The following TBL1XR1 variants were observed in gnomAD, a reference collection of about 807,000 sequenced individuals.
The protein encoded by TBL1XR1 is TBL1X/Y related 1.
A neutral mutation model predicts 66.9 loss-of-function variants in TBL1XR1; 5 were observed. The observed-to-expected ratio is 0.07, with a 90% CI of 0.04 to 0.16. TBL1XR1 has a LOEUF of 0.16. Ranked by LOEUF, TBL1XR1 falls within the 10% of genes least tolerant of loss-of-function variation. The pLI, the probability that TBL1XR1 is intolerant of heterozygous loss-of-function variation, is 1.00. For synonymous variants in TBL1XR1, 210 were observed against 206.0 expected (o/e 1.02, Z -0.17); for missense variants, 238 against 623.2 (o/e 0.38, Z 6.58).
At position 177,019,592 on chromosome 3, in the gene TBL1XR1, T is replaced by C. The variant is rs1167743210; in HGVS notation, c.*5906A>G. On this transcript the variant is annotated 3_prime_UTR_variant, in exon 16 of 16. Transcript: ENST00000457928. The stretch of plus-strand genomic sequence containing the variant: ...CCATCTAAAGTGTCTTTTCCTCCAC[T>C]GTATTTTTTCAAATGAATATATTGG... 2 of 152,224 alleles carry C rather than the reference T, an allele frequency of 1.3e-5. No individual in the cohort carries two copies. Among genetic ancestry groups the C allele is most frequent in the Non-Finnish European group, 2.9e-5 (2 of 68,028 alleles). 9.4% of individuals were successfully genotyped at this position (152,224 alleles called of 1,614,324 possible).
intron 1 of TBL1XR1, among the ~76,000 whole-genome samples, chr3:177,173,367 T>C (rs1733791361): frequency 6.6e-6 from 1 of 152,206 alleles, no homozygotes; most frequent in Admixed American, 6.5e-5. Flanking sequence ...CGAAAAACAG[T>C]AATTTCAGAG....
chr3:177,197,641 G>GGCGGGCGC (rs952663794), upstream of TBL1XR1, among the ~76,000 whole-genome samples: 3 of 140,110 alleles, frequency 2.1e-5, no homozygotes, highest in African/African-American at 5.1e-5. Context: ...CGAGCGGGCG[G>GGCGGGCGC]GCGGGCGCGC....
chr3:177,119,427 A>T (rs1443936593), intron 1 of TBL1XR1, among the ~76,000 whole-genome samples: 2 of 152,138 alleles, frequency 1.3e-5, no homozygotes, highest in East Asian at 3.8e-4. Flanking sequence ...GGATTCCTAT[A>T]TAATTAGGGC....
chr3:177,070,773 G>C (rs1207647972), intron 2 of TBL1XR1, among the ~76,000 whole-genome samples: 1 of 151,880 alleles, frequency 6.6e-6, no homozygotes, highest in Non-Finnish European at 1.5e-5. Flanking sequence ...TTGAACCCAG[G>C]AGACGGTAGC....
At chr3:177,112,012 T>C (rs1725627092) in intron 1 of TBL1XR1, among the ~76,000 whole-genome samples, 1 of 133,462 alleles carries the variant, frequency 7.5e-6, no homozygotes, top group Admixed American at 8.0e-5. Context: ...AACTAGGCCC[T>C]GAAACGAAGA....
At chr3:177,196,853 G>T (rs1474101041) in intron 1 of TBL1XR1, among the ~76,000 whole-genome samples, 4 of 151,940 alleles carry the variant, frequency 2.6e-5, no homozygotes, top group African/African-American at 9.6e-5. Context: ...GATCCCCCGA[G>T]ACCGGGAAAG....
chr3:177,195,717 G>C (rs866032255), intron 1 of TBL1XR1: 4 of 152,098 alleles, frequency 2.6e-5, no homozygotes, highest in East Asian at 3.9e-4. Flanking sequence ...GTGGGGGGTA[G>C]AGCAACCATT....
chr3:177,160,979 G>C (rs950624078), intron 1 of TBL1XR1: 1 of 149,384 alleles, frequency 6.7e-6, no homozygotes, highest in Non-Finnish European at 1.5e-5. Context: ...CTGGGTGACA[G>C]AGTGAAACTC....
At chr3:177,050,217 T>A in intron 6 of TBL1XR1, 79 bp from the exon 7 acceptor site, 1 of 1,499,142 alleles carries the variant, frequency 6.7e-7, no homozygotes, top group Admixed American at 2.0e-5. Context: ...TACATCTGAA[T>A]ATTAATAAGG....
intron 1 of TBL1XR1, among the ~76,000 whole-genome samples, chr3:177,130,448 G>C (rs1364685723): frequency 6.6e-6 from 1 of 152,138 alleles, no homozygotes; most frequent in African/African-American, 2.4e-5. Flanking sequence ...AAGACAGTTA[G>C]GCAATAAAAG....
chr3:177,117,722 T>G (rs975746746), intron 1 of TBL1XR1, among the ~76,000 whole-genome samples: 2 of 152,222 alleles, frequency 1.3e-5, no homozygotes, highest in African/African-American at 4.8e-5. Flanking sequence ...ATCTTCTAAT[T>G]TGAAAGAATT....
chr3:177,178,973 C>T (rs924214655), intron 1 of TBL1XR1, among the ~76,000 whole-genome samples: 8 of 151,846 alleles, frequency 5.3e-5, no homozygotes, highest in African/African-American at 1.5e-4. Flanking sequence ...AAAAATTAGC[C>T]GGGTGTGGTG....
intron 1 of TBL1XR1, among the ~76,000 whole-genome samples, chr3:177,182,201 AC>A (rs1337638294): frequency 6.6e-6 from 1 of 152,080 alleles, no homozygotes; most frequent in Non-Finnish European, 1.5e-5. Flanking sequence ...AGCCTGGGCA[AC>A]ATAGTGAGAC....
At chr3:177,101,954 T>C (rs1724274919) in intron 1 of TBL1XR1, among the ~76,000 whole-genome samples, 1 of 151,532 alleles carries the variant, frequency 6.6e-6, no homozygotes, top group African/African-American at 2.4e-5. Context: ...GTATTAACCA[T>C]TAGAATTTTT....
At chr3:177,130,806 C>T (rs964877138) in intron 1 of TBL1XR1, among the ~76,000 whole-genome samples, 6 of 152,132 alleles carry the variant, frequency 3.9e-5, no homozygotes, top group African/African-American at 1.4e-4. Context: ...AAAGGTCCAT[C>T]TAGAAATGTT....
chr3:177,160,861 T>C (rs1442689116), intron 1 of TBL1XR1: 3 of 151,860 alleles, frequency 2.0e-5, no homozygotes, highest in Non-Finnish European at 4.4e-5. Flanking sequence ...CCAAGCATGG[T>C]AGTGCATACC....
intron 1 of TBL1XR1, among the ~76,000 whole-genome samples, chr3:177,110,541 A>T (rs1725426045): frequency 6.6e-6 from 1 of 152,158 alleles, no homozygotes; most frequent in Non-Finnish European, 1.5e-5. Context: ...TCAGCAGAAG[A>T]CAAAGAGGAG....
intron 6 of TBL1XR1, 109 bp from the exon 7 acceptor site, chr3:177,050,247 C>G: frequency 7.2e-7 from 1 of 1,398,534 alleles, no homozygotes; most frequent in Non-Finnish European, 9.7e-7. Context: ...ACGACTATCA[C>G]GAATTTTCAT....
intron 1 of TBL1XR1, among the ~76,000 whole-genome samples, chr3:177,129,221 GCAGGA>G (rs2108779999): frequency 6.6e-6 from 1 of 152,152 alleles, no homozygotes; most frequent in South Asian, 2.1e-4. Flanking sequence ...AAAATCAAAA[GCAGGA>G]CTAGATGAAG....
Sources: allele counts gnomAD v4.1 joint callset (sites outside exome capture counted in the v4.1 genomes callset), GRCh38; gene constraint gnomAD v4.1.1; transcripts MANE v1.5; gene names NCBI Gene and HGNC (gene_info 2026-07-23, HGNC 2026-07-21).